The following CAMK4 variants were observed in gnomAD, a reference collection of about 807,000 sequenced individuals.
CAMK4 encodes the protein calcium/calmodulin dependent protein kinase IV.
CAMK4 carries 22 observed loss-of-function variants against 44.9 expected under a neutral mutation model. That is an observed-to-expected ratio of 0.49 (90% CI 0.35 to 0.70). The LOEUF is 0.70. Ranked by LOEUF, CAMK4 falls within the 30% of genes least tolerant of loss-of-function variation. The pLI is 0.01. For synonymous variants in CAMK4, 218 were observed against 215.4 expected, an observed-to-expected ratio of 1.01 and a Z score of -0.11; for missense variants, 498 against 586.8, an observed-to-expected ratio of 0.85 and a Z score of 1.56.
intron 7 of CAMK4, 66 bp downstream of exon 7, chr5:111,449,269 T>A: frequency 1.3e-6 from 1 of 756,688 alleles, no homozygotes; most frequent in Non-Finnish European, 2.1e-6. Flanking sequence ...TTTAGCAATC[T>A]CATTTTTAAA....
At chr5:111,436,118 A>G (rs964817857) in intron 5 of CAMK4, among the ~76,000 whole-genome samples, 13 of 152,210 alleles carry the variant, frequency 8.5e-5, no homozygotes, top group African/African-American at 2.9e-4. Flanking sequence ...GAAAACAAAG[A>G]TAAGTGTTTC....
intron 5 of CAMK4, among the ~76,000 whole-genome samples, chr5:111,408,589 G>GT (rs1207337574): frequency 6.6e-6 from 1 of 152,122 alleles, no homozygotes; most frequent in African/African-American, 2.4e-5. Flanking sequence ...TAAATCTCAT[G>GT]TCCTCACATT....
chr5:111,237,773 T>C lies in CAMK4; in HGVS notation c.161+13129T>C, dbSNP rs78035487. Among the ~76,000 whole-genome samples the C allele has an allele frequency of 3.7e-3, 558 of 152,324 alleles. 5 individuals carry two copies. The highest frequency in any genetic ancestry group is 0.013 in the African/African-American group (547 of 41,562). ...TCACATGGTTGGGTAACATATCCCC[T>C]GACTTGACCATAGGAGGGGAAGGAA... On this transcript the variant is annotated intron_variant, in intron 1 of 10. Coordinates refer to ENST00000282356, the MANE Select transcript of CAMK4 (RefSeq NM_001744.6).
At position 111,449,095 on chromosome 5, in the gene CAMK4, C is replaced by T. The variant is rs769456338; in HGVS notation, c.551-34C>T. 82 of 877,096 alleles carry T rather than the reference C, an allele frequency of 9.3e-5. No individual in the cohort carries two copies. The East Asian group carries it at 1.0e-3, about 11-fold the overall frequency. 54.3% of individuals were successfully genotyped at this position (877,096 alleles called of 1,614,324 possible). A position where few individuals can be genotyped will look rare whatever the true frequency, so the allele number is the denominator to read the frequency against. On this transcript the variant is annotated intron_variant, in intron 6 of 10. Transcript: ENST00000282356. ...TATTTTGTCATAAAAGCTGAGAAGA[C>T]GTGCTTCATTAAATTTTTTTCTTGT...
chr5:111,297,174 G>A (rs746384434), intron 1 of CAMK4, among the ~76,000 whole-genome samples: 12 of 152,060 alleles, frequency 7.9e-5, no homozygotes, highest in Admixed American at 2.0e-4. Context: ...GAATCACATT[G>A]CAAAAATGAG....
intron 1 of CAMK4, among the ~76,000 whole-genome samples, chr5:111,228,039 G>A (rs1269234035): frequency 2.0e-5 from 3 of 152,152 alleles, no homozygotes; most frequent in African/African-American, 7.2e-5. Flanking sequence ...GGAATGACAG[G>A]AAATGGCCCA....
chr5:111,225,144 C>A (rs995828663), intron 1 of CAMK4, among the ~76,000 whole-genome samples: 4 of 152,186 alleles, frequency 2.6e-5, no homozygotes, highest in Non-Finnish European at 5.9e-5. Context: ...CCTGCAGAGT[C>A]TGCTCAGGAG....
intron 2 of CAMK4, among the ~76,000 whole-genome samples, chr5:111,349,865 T>A (rs574190971): frequency 1.3e-5 from 2 of 151,992 alleles, no homozygotes; most frequent in African/African-American, 4.8e-5. Flanking sequence ...AGAATTCAGA[T>A]GAAATTTCTA....
chr5:111,490,091 G>A lies in CAMK4; in HGVS notation c.*5625G>A, dbSNP rs919242438. On this transcript the variant is annotated 3_prime_UTR_variant, in exon 11 of 11. Transcript: ENST00000282356. ...TTAATCGTTGCTTGTGATTCATTGT[G>A]TCAAAATAACATTTAATTTTCACTC... 2.0e-5 allele frequency: 3 copies of A among 152,126 alleles called. No homozygotes were observed. The highest frequency in any genetic ancestry group is 4.4e-5 in the Non-Finnish European group (3 of 68,010). The allele number at this position is 152,126 out of a possible 1,614,324, so 9.4% of individuals were successfully genotyped here.
chr5:111,385,272 A>C (rs2112843909), intron 4 of CAMK4, among the ~76,000 whole-genome samples: 1 of 152,276 alleles, frequency 6.6e-6, no homozygotes, highest in Non-Finnish European at 1.5e-5. Context: ...GGGCATAAAC[A>C]CAGTGTGTAG....
rs1755549912 is a variant in CAMK4, at chr5:111,484,556, T to C, written c.*90T>C. The C allele has an allele frequency of 4.9e-6, 4 of 823,360 alleles. No homozygotes were observed. Among genetic ancestry groups the C allele is most frequent in the South Asian group, 3.5e-5 (1 of 28,956 alleles). The allele number at this position is 823,360 out of a possible 1,614,324, so 51.0% of individuals were successfully genotyped here. ...AGGTGTGGAAGCATGATATGTACTA[T>C]AGTGATTCTGTTTTTGAGGTGCAAA... On this transcript the variant is annotated 3_prime_UTR_variant, in exon 11 of 11. Coordinates refer to ENST00000282356, the MANE Select transcript of CAMK4 (RefSeq NM_001744.6). The surrounding 1 kb of genome is among the most constrained non-coding windows in gnomAD (Gnocchi z 5.3).
intron 5 of CAMK4, among the ~76,000 whole-genome samples, chr5:111,406,196 C>T (rs953321183): frequency 7.1e-6 from 1 of 140,302 alleles, no homozygotes; most frequent in Non-Finnish European, 1.5e-5. Context: ...AATTTATTTT[C>T]TCTCTCTCTC....
intron 2 of CAMK4, among the ~76,000 whole-genome samples, chr5:111,372,375 G>A (rs773430228): frequency 7.2e-5 from 11 of 152,088 alleles, no homozygotes; most frequent in Non-Finnish European, 1.6e-4. Flanking sequence ...CCTACATCCA[G>A]GAATAGGCAC....
intron 1 of CAMK4, among the ~76,000 whole-genome samples, chr5:111,320,231 A>C (rs114114453): frequency 2.0e-5 from 3 of 152,296 alleles, no homozygotes; most frequent in African/African-American, 7.2e-5. Flanking sequence ...ATGGTCTCAC[A>C]TGACATGCTG....
chr5:111,291,432 G>A (rs1442538116), intron 1 of CAMK4, among the ~76,000 whole-genome samples: 1 of 152,164 alleles, frequency 6.6e-6, no homozygotes, highest in East Asian at 1.9e-4. Context: ...ACCGAAGCAA[G>A]TGGAAATTTT....
At chr5:111,444,080 T>G (rs1753945944) in intron 5 of CAMK4, among the ~76,000 whole-genome samples, 1 of 152,164 alleles carries the variant, frequency 6.6e-6, no homozygotes, top group Non-Finnish European at 1.5e-5. Context: ...TCCTTCGTTG[T>G]TATTTTTCTT....
Position 111,244,116 on chromosome 5 carries a change from A to G in CAMK4, c.161+19472A>G, listed in dbSNP as rs143814855. ...CGTACTTCCTTTCTTCACAAGTGCC[A>G]TTTACAGAAAGCTGGGCTTAAACCA... On this transcript the variant is annotated intron_variant, in intron 1 of 10. Coordinates refer to ENST00000282356, the MANE Select transcript of CAMK4 (RefSeq NM_001744.6). Among the ~76,000 whole-genome samples the G allele has an allele frequency of 1.6e-4, 25 of 152,316 alleles. No homozygotes were observed. In the East Asian group the frequency reaches 4.6e-3, roughly 28 times the overall value.
intron 1 of CAMK4, among the ~76,000 whole-genome samples, chr5:111,228,222 A>C (rs1266756780): frequency 6.6e-6 from 1 of 151,806 alleles, no homozygotes; most frequent in Non-Finnish European, 1.5e-5. Context: ...AAAGATAATT[A>C]GAACAAGAGA....
At chr5:111,301,201 A>G (rs1339653381) in intron 1 of CAMK4, among the ~76,000 whole-genome samples, 6 of 152,176 alleles carry the variant, frequency 3.9e-5, no homozygotes, top group African/African-American at 1.2e-4. Context: ...TTCAGGCAAC[A>G]TCTCTTCCTA....
Sources: allele counts gnomAD v4.1 joint callset (sites outside exome capture counted in the v4.1 genomes callset), GRCh38; gene constraint gnomAD v4.1.1; non-coding constraint Gnocchi (gnomAD v3.1); transcripts MANE v1.5; gene names NCBI Gene and HGNC (gene_info 2026-07-23, HGNC 2026-07-21).